AFG2B: variants seen among roughly 807,000 people sequenced by gnomAD.
The protein encoded by AFG2B is ATPase family gene 2 protein homolog B.
the AFG2B span, chr15:45,403,327 C>T: frequency 6.2e-7 from 1 of 1,602,516 alleles, no homozygotes; most frequent in Non-Finnish European, 8.5e-7. Flanking sequence ...ACCCAGCCTC[C>T]TCTTCCTGGA....
chr15:45,402,596 C>T, the AFG2B span: 1 of 1,571,116 alleles, frequency 6.4e-7, no homozygotes, highest in Non-Finnish European at 8.6e-7. Context: ...GACGGCGGCT[C>T]CTGCCTCTGC....
At chr15:45,410,302 A>T in the AFG2B span, 4 of 1,537,858 alleles carry the variant, frequency 2.6e-6, no homozygotes, top group Non-Finnish European at 3.5e-6. Context: ...TTTTAAAAAC[A>T]AATTGTGCTA....
the AFG2B span, chr15:45,421,004 A>T: frequency 6.3e-7 from 1 of 1,591,004 alleles, no homozygotes; most frequent in Non-Finnish European, 8.5e-7. Context: ...AAGAAAAAAA[A>T]GCAAAAGAAA....
the AFG2B span, among the ~76,000 whole-genome samples, chr15:45,404,552 A>G: frequency 1.3e-5 from 2 of 152,144 alleles, no homozygotes; most frequent in African/African-American, 4.8e-5. Context: ...CACGCCTGCA[A>G]TCTCAATACT....
chr15:45,414,815 T>C, the AFG2B span: 3 of 1,563,398 alleles, frequency 1.9e-6, no homozygotes, highest in South Asian at 3.4e-5. Flanking sequence ...AAATTTACTT[T>C]TGAATTTTTA....
chr15:45,403,029 GC>G, the AFG2B span: 2 of 1,576,796 alleles, frequency 1.3e-6, no homozygotes, highest in Non-Finnish European at 8.6e-7. Context: ...AGCCCGAGGT[GC>G]CCCTGGGAGG....
the AFG2B span, chr15:45,417,928 G>C: frequency 1.3e-5 from 2 of 152,390 alleles, no homozygotes; most frequent in South Asian, 4.1e-4. Context: ...TGTTCCTTGG[G>C]CTTTTATCAA....
At chr15:45,402,783 G>A in the AFG2B span, 1 of 1,589,364 alleles carries the variant, frequency 6.3e-7, no homozygotes, top group Non-Finnish European at 8.5e-7. Flanking sequence ...TGTTGCGAGA[G>A]CGGGCAGGCG....
chr15:45,410,284 AAAG>A, the AFG2B span: 9 of 1,446,234 alleles, frequency 6.2e-6, no homozygotes, highest in East Asian at 2.3e-5. Flanking sequence ...TACAAATCCA[AAAG>A]AAGATTTTAA....
chr15:45,405,156 T>TG, the AFG2B span, among the ~76,000 whole-genome samples: 1 of 152,236 alleles, frequency 6.6e-6, no homozygotes, highest in Non-Finnish European at 1.5e-5. Flanking sequence ...ACTGTATGTT[T>TG]GTACCCATGA....
the AFG2B span, chr15:45,403,427 G>T: frequency 4.2e-4 from 673 of 1,609,862 alleles, no homozygotes; most frequent in Non-Finnish European, 5.5e-4. Flanking sequence ...GACGGCGCCA[G>T]TGGGGACCGC....
chr15:45,415,511 A>AAAC, the AFG2B span: 1 of 1,329,434 alleles, frequency 7.5e-7, no homozygotes, highest in Non-Finnish European at 1.0e-6. Context: ...AAAAAAAAAA[A>AAAC]ACAGGATTAT....
chr15:45,413,696 T>C, the AFG2B span, among the ~76,000 whole-genome samples: 2 of 152,190 alleles, frequency 1.3e-5, no homozygotes, highest in African/African-American at 4.8e-5. Context: ...TACTGCTTCC[T>C]CAGTGCAGAC....
chr15:45,420,900 G>T, the AFG2B span: 1 of 729,238 alleles, frequency 1.4e-6, no homozygotes, highest in East Asian at 3.5e-5. Context: ...GCTGAGGCAG[G>T]AGAATTGCTT....
chr15:45,403,348 G>C, the AFG2B span: 47 of 1,608,208 alleles, frequency 2.9e-5, no homozygotes, highest in Non-Finnish European at 7.6e-6. Flanking sequence ...CGAGATGGAC[G>C]CCTTGTGTCC....
At chr15:45,415,436 TG>T in the AFG2B span, 1 of 626,588 alleles carries the variant, frequency 1.6e-6, no homozygotes, top group Non-Finnish European at 2.6e-6. Context: ...AGGCAGAAGT[TG>T]CAGTGAGCTG....
chr15:45,406,982 G>A, the AFG2B span: 2 of 1,263,940 alleles, frequency 1.6e-6, no homozygotes, highest in Non-Finnish European at 2.1e-6. Context: ...TAAGTAAGCA[G>A]GAGATGGGAA....
chr15:45,410,559 A>G, the AFG2B span: 1 of 1,563,786 alleles, frequency 6.4e-7, no homozygotes, highest in Non-Finnish European at 8.7e-7. Context: ...TTAATCCAGT[A>G]GGATATTACA....
the AFG2B span, chr15:45,402,987 TGGCGGGGAGCCTCCGTC>T: frequency 6.3e-7 from 1 of 1,592,220 alleles, no homozygotes; most frequent in South Asian, 1.1e-5. Context: ...GCGTCAGCCT[TGGCGGGGAGCCTCCGTC>T]GGAAGCCCAG....
Sources: gnomAD v4.1 joint callset for allele counts (sites outside exome capture counted in the v4.1 genomes callset) on GRCh38, gnomAD v4.1.1 for gene constraint, MANE v1.5 for transcripts, NCBI Gene and HGNC (gene_info 2026-07-23, HGNC 2026-07-21) for gene names.